The following USP6 variants were observed in gnomAD, a reference collection of about 807,000 sequenced individuals.
USP6 encodes the protein ubiquitin specific peptidase 6.
USP6 carries 128 observed loss-of-function variants against 175.7 expected under a neutral mutation model. That is an observed-to-expected ratio of 0.73 (90% CI 0.63 to 0.84). The LOEUF (loss-of-function observed/expected upper bound fraction) is 0.84. USP6 is among the 40% of genes least tolerant of loss of function. USP6 has a pLI of 0.00. For missense variants in USP6, 1,498 were observed against 1,760.3 expected, an observed-to-expected ratio of 0.85 and a Z score of 2.67; for synonymous variants, 562 against 630.6, an observed-to-expected ratio of 0.89 and a Z score of 1.63.
chr17:5,122,812 C>G (rs1187594786), intron 4 of USP6, among the ~76,000 whole-genome samples: 1 of 152,244 alleles, frequency 6.6e-6, no homozygotes, highest in Non-Finnish European at 1.5e-5. Context: ...GTGGGTAGGG[C>G]GCGGAGAGCG....
chr17:5,167,700 A>C (rs544128882), intron 33 of USP6, among the ~76,000 whole-genome samples: 55 of 151,842 alleles, frequency 3.6e-4, no homozygotes, highest in African/African-American at 1.2e-3. Flanking sequence ...ACAGGGTCTC[A>C]CTCTGTTGGC....
intron 4 of USP6, among the ~76,000 whole-genome samples, chr17:5,124,090 G>A (rs1331433491): frequency 1.3e-5 from 2 of 152,126 alleles, no homozygotes; most frequent in Admixed American, 6.5e-5. Context: ...GCCTACCCAC[G>A]GGCAGGACAT....
At position 5,155,405 on chromosome 17, in the gene USP6, C is replaced by T. The variant is rs2144076015; in HGVS notation, c.2644-17C>T. ...AGGCCTGTCTTCTCAACTCTCTATT[C>T]TCGTTTGTACATACAGATGAGGACA... On this transcript the variant is annotated splice_polypyrimidine_tract_variant and intron_variant, in intron 30 of 37. Transcript: ENST00000574788. The T allele has an allele frequency of 6.2e-7, 1 of 1,610,514 alleles. No homozygotes were observed. The highest frequency in any genetic ancestry group is 8.5e-7 in the Non-Finnish European group (1 of 1,178,288).
In USP6 at chr17:5,169,002, T is replaced by C. The variant is rs1272340460; in HGVS notation, c.3464T>C (p.Leu1155Pro). ...AGTTCGGCTGGAAAAGAGGACATGC[T>C]CCTAAGCAAAAGCCCATCCTCACTC... The part of the protein sequence containing the change: ...AQSSAGKEDM[L>P]LSKSPSSLSA... Residue 1155 changes from leucine to proline, a missense_variant, in exon 35 of 38, where the codon CTC (leucine) becomes CCC (proline). This residue lies in a region of USP6 where 1,217 missense variants were observed against 1,500.8 expected (regional missense o/e 0.81). Transcript: ENST00000574788. The C allele has an allele frequency of 1.9e-6, 3 of 1,613,770 alleles. No individual in the cohort carries two copies. The highest frequency in any genetic ancestry group is 2.5e-6 in the Non-Finnish European group (3 of 1,179,860).
chr17:5,172,789 T>C lies in USP6; in HGVS notation c.4048-16T>C. On this transcript the variant is annotated splice_polypyrimidine_tract_variant and intron_variant, in intron 37 of 37. Coordinates refer to ENST00000574788, the MANE Select transcript of USP6 (RefSeq NM_001304284.2). ...TAGTGATGGCTTTTTGTTAAAGGTT[T>C]TTCTTGCCCTTTCAGGAACTTCACC... The C allele has an allele frequency of 6.2e-7, 1 of 1,612,342 alleles. No individual in the cohort carries two copies. The highest frequency in any genetic ancestry group is 8.5e-7 in the Non-Finnish European group (1 of 1,179,670).
intron 2 of USP6, among the ~76,000 whole-genome samples, chr17:5,119,155 C>A (rs1435349594): frequency 6.6e-6 from 1 of 151,412 alleles, no homozygotes; most frequent in Non-Finnish European, 1.5e-5. Flanking sequence ...ACCCCTCTTC[C>A]TCAAAGAGAT....
chr17:5,120,514 T>C, intron 2 of USP6, 113 bp from the exon 3 acceptor site: 1 of 340,186 alleles, frequency 2.9e-6, no homozygotes, highest in Non-Finnish European at 5.7e-6. Context: ...TATCTGTGTC[T>C]GTCTGTCTGT....
intron 19 of USP6, 96 bp downstream of exon 19, chr17:5,137,282 A>T: frequency 1.3e-6 from 2 of 1,490,966 alleles, no homozygotes; most frequent in South Asian, 2.3e-5. Flanking sequence ...CCCAGCCCAC[A>T]GGAGGCTCAG....
At position 5,155,817 on chromosome 17, in the gene USP6, T is replaced by G. The variant is rs116511227; in HGVS notation, c.2828+211T>G. ...AGAGCATACAATTCAACCATTTGGC[T>G]TGATATTTGGAGTAGGAGGGACAAT... On this transcript the variant is annotated intron_variant, in intron 31 of 37. Transcript: ENST00000574788. Among the ~76,000 whole-genome samples the G allele has an allele frequency of 2.3e-3, 346 of 152,340 alleles. 1 individual carries two copies. Among genetic ancestry groups the G allele is most frequent in the African/African-American group, 8.0e-3 (333 of 41,584 alleles).
At chr17:5,151,584 G>A (rs1486981596) in intron 30 of USP6, among the ~76,000 whole-genome samples, 1 of 152,118 alleles carries the variant, frequency 6.6e-6, no homozygotes, top group East Asian at 1.9e-4. Flanking sequence ...ATATCATCCA[G>A]ATATCAAGAT....
At chr17:5,144,569 G>A in intron 25 of USP6, 121 bp from the exon 26 acceptor site, 2 of 1,131,854 alleles carry the variant, frequency 1.8e-6, no homozygotes, top group Non-Finnish European at 2.5e-6. Context: ...TGTTGAAATG[G>A]AGGCAGACTA....
Position 5,135,236 on chromosome 17 carries a change from A to G in USP6, c.497A>G (p.Gln166Arg), listed in dbSNP as rs780401315. ...AGCCCCCTTTCTGTGTTTCCTAGGCAGAGGGAACTATTCTACATCCTCCTG... is the reference window on the plus strand; with the variant it reads ...AGCCCCCTTTCTGTGTTTCCTAGGCGGAGGGAACTATTCTACATCCTCCTG... ...VFFRDRYGAKQRELFYILLAY... is the reference protein window; with the variant it reads ...VFFRDRYGAKRRELFYILLAY... Residue 166 changes from glutamine (Q) to arginine (R), a missense_variant and splice_region_variant, in exon 16 of 38, where the codon CAG (glutamine) becomes CGG (arginine). Gln to Arg is a conservative substitution (Grantham distance 43, BLOSUM62 1). Coordinates refer to ENST00000574788, the MANE Select transcript of USP6 (RefSeq NM_001304284.2). The G allele has an allele frequency of 3.1e-6, 5 of 1,612,864 alleles. No homozygotes were observed. The highest frequency in any genetic ancestry group is 4.2e-6 in the Non-Finnish European group (5 of 1,179,066).
intron 31 of USP6, among the ~76,000 whole-genome samples, chr17:5,159,679 AGG>A (rs1332349660): frequency 6.6e-6 from 1 of 152,082 alleles, no homozygotes; most frequent in Non-Finnish European, 1.5e-5. Flanking sequence ...AAAAGTTCAG[AGG>A]GTAGGGTGTG....
intron 31 of USP6, among the ~76,000 whole-genome samples, chr17:5,161,268 T>C (rs2073998258): frequency 2.0e-5 from 3 of 152,264 alleles, no homozygotes; most frequent in South Asian, 2.1e-4. Context: ...TGTAAAATTT[T>C]CGTGGGCCAC....
chr17:5,138,137 A>T lies in USP6; in HGVS notation c.942A>T (p.Thr314=). ...TGTCCCTAGAGCGCCTCATGAAGAC[A>T]TCCAGGTGTGGCCTGTGGGCACGTC... ...LKVQQKRLMK[T]SRCGLWARLR... Residue 314 remains threonine, a synonymous_variant, in exon 21 of 38, where the codon ACA becomes ACT. Coordinates refer to ENST00000574788, the MANE Select transcript of USP6 (RefSeq NM_001304284.2). 3 of 1,614,080 alleles carry T rather than the reference A, an allele frequency of 1.9e-6. No homozygotes were observed. The highest frequency in any genetic ancestry group is 2.5e-6 in the Non-Finnish European group (3 of 1,179,960).
chr17:5,153,803 G>A (rs770119614), intron 30 of USP6, among the ~76,000 whole-genome samples: 16 of 152,030 alleles, frequency 1.1e-4, no homozygotes, highest in South Asian at 4.1e-4. Context: ...CTACAGGCGC[G>A]TGCCACCATG....
At chr17:5,131,194 C>T (rs578092060) in intron 11 of USP6, among the ~76,000 whole-genome samples, 2 of 151,798 alleles carry the variant, frequency 1.3e-5, no homozygotes, top group East Asian at 1.9e-4. Context: ...GGCTTTGGCC[C>T]GAAGAGAATG....
At position 5,122,035 on chromosome 17, in the gene USP6, G is replaced by A. The variant is rs370167443; in HGVS notation, c.-1299+285G>A. Among the ~76,000 whole-genome samples, 14 of 152,036 alleles carry A rather than the reference G, an allele frequency of 9.2e-5. No homozygotes were observed. In the South Asian group the frequency reaches 1.3e-3, roughly 14 times the overall value. ...ATATTTTAGAACATTCACTCTGGCT[G>A]CAGAGGGAGAAATGGATCAGAGGGG... On this transcript the variant is annotated intron_variant, in intron 4 of 37. Transcript: ENST00000574788.
intron 21 of USP6, among the ~76,000 whole-genome samples, chr17:5,138,602 C>T (rs192528916): frequency 1.1e-4 from 16 of 152,214 alleles, no homozygotes; most frequent in Admixed American, 5.2e-4. Context: ...TGGGAGACCC[C>T]GCCCCTCCCT....
Sources: allele counts gnomAD v4.1 joint callset (sites outside exome capture counted in the v4.1 genomes callset), GRCh38; gene constraint gnomAD v4.1.1; regional missense constraint gnomAD v4.1.1; transcripts MANE v1.5; gene names NCBI Gene and HGNC (gene_info 2026-07-23, HGNC 2026-07-21).